RFTN1: variants seen among roughly 807,000 people sequenced by gnomAD.
The protein encoded by RFTN1 is raftlin, lipid raft linker 1.
In RFTN1, 26 loss-of-function variants were observed where a neutral mutation model predicts 46.5. That is an observed-to-expected ratio of 0.56 (90% CI 0.41 to 0.78). The LOEUF (loss-of-function observed/expected upper bound fraction) is 0.78. RFTN1 is among the 30% of genes least tolerant of loss of function. The pLI is 0.00. For synonymous variants in RFTN1, 261 were observed against 284.2 expected, an observed-to-expected ratio of 0.92 and a Z score of 0.82; for missense variants, 693 against 718.7, an observed-to-expected ratio of 0.96 and a Z score of 0.41.
chr3:16,510,811 G>A (rs2076887336), intron 1 of RFTN1, among the ~76,000 whole-genome samples: 1 of 152,172 alleles, frequency 6.6e-6, no homozygotes, highest in African/African-American at 2.4e-5. Flanking sequence ...TCCCTACAGA[G>A]ACTTGTACAC....
rs2076079536 is a variant in RFTN1, at chr3:16,465,717, G to A, written c.145+28008C>T. ...CCACCAAAAAGACCTGCTGGGGACA[G>A]CTAATCTTTTTCTTTTCACTATACC... is the stretch of plus-strand genomic sequence containing the variant. On this transcript the variant is annotated intron_variant, in intron 2 of 9. Coordinates refer to ENST00000334133, the MANE Select transcript of RFTN1 (RefSeq NM_015150.2). The surrounding 1 kb of genome is among the most constrained non-coding windows in gnomAD (Gnocchi z 5.1). Among the ~76,000 whole-genome samples the A allele has an allele frequency of 6.6e-6, 1 of 152,176 alleles. No homozygotes were observed. The highest frequency in any genetic ancestry group is 2.4e-5 in the African/African-American group (1 of 41,450).
At chr3:16,434,273 C>A (rs1231650087) in intron 2 of RFTN1, among the ~76,000 whole-genome samples, 2 of 152,114 alleles carry the variant, frequency 1.3e-5, no homozygotes, top group Non-Finnish European at 2.9e-5. Flanking sequence ...CCTATAATCC[C>A]AGCACTCTGA....
intron 1 of RFTN1, among the ~76,000 whole-genome samples, chr3:16,510,133 C>G (rs1397255072): frequency 6.6e-6 from 1 of 152,212 alleles, no homozygotes; most frequent in Non-Finnish European, 1.5e-5. Flanking sequence ...ATGTTTCTCA[C>G]TGAGAGGCCA....
intron 6 of RFTN1, among the ~76,000 whole-genome samples, chr3:16,368,314 TAGAGGGA>T (rs2073327731): frequency 2.0e-5 from 3 of 152,156 alleles, no homozygotes; most frequent in African/African-American, 7.2e-5. Context: ...CTTCCTTGTG[TAGAGGGA>T]GGTTACCCAC....
intron 2 of RFTN1, among the ~76,000 whole-genome samples, chr3:16,490,563 A>T (rs930307929): frequency 1.3e-5 from 2 of 152,208 alleles, no homozygotes; most frequent in African/African-American, 4.8e-5. Context: ...GCAGAATCAG[A>T]TGTGTGTTTT....
At chr3:16,435,917 A>AAT (rs10575645) in intron 2 of RFTN1, among the ~76,000 whole-genome samples, 5,425 of 142,260 alleles carry the variant, frequency 0.038, 130 homozygotes, top group Middle Eastern at 0.047. Flanking sequence ...CAGAGATGTA[A>AAT]ATATATATAT....
rs574895828 is a variant in RFTN1, at chr3:16,475,502, C to T, written c.145+18223G>A. Among the ~76,000 whole-genome samples the T allele has an allele frequency of 6.6e-6, 1 of 152,320 alleles. No homozygotes were observed. The highest frequency in any genetic ancestry group is 1.9e-4 in the East Asian group (1 of 5,184). On this transcript the variant is annotated intron_variant, in intron 2 of 9. Transcript: ENST00000334133. The surrounding 1 kb of genome is among the most constrained non-coding windows in gnomAD (Gnocchi z 4.2). ...CCACAGAAACAAAAGGCAAAGAAGGCAATTACCCTACTGGGTGAGGTGAAT... is the reference window on the plus strand; with the variant it reads ...CCACAGAAACAAAAGGCAAAGAAGGTAATTACCCTACTGGGTGAGGTGAAT...
At chr3:16,463,293 G>C (rs1025400200) in intron 2 of RFTN1, among the ~76,000 whole-genome samples, 1 of 152,084 alleles carries the variant, frequency 6.6e-6, no homozygotes, top group Admixed American at 6.6e-5. Flanking sequence ...TGCTCCTTCT[G>C]AGACTCCAGT....
In RFTN1 at chr3:16,443,613, A is replaced by T. The variant is rs7620280; in HGVS notation, c.146-9576T>A. On this transcript the variant is annotated intron_variant, in intron 2 of 9. Transcript: ENST00000334133. The surrounding 1 kb of genome is among the most constrained non-coding windows in gnomAD (Gnocchi z 5.5). The stretch of plus-strand genomic sequence containing the variant: ...AAGCAACAGATGCCTCATCAAATGA[A>T]TTAAGTTGCCGGCCGCCGGACCACA... Among the ~76,000 whole-genome samples, 206 of 152,344 alleles carry T rather than the reference A, an allele frequency of 1.4e-3. No homozygotes were observed. The highest frequency in any genetic ancestry group is 3.9e-3 in the African/African-American group (161 of 41,576).
chr3:16,490,104 C>A (rs975375356), intron 2 of RFTN1, among the ~76,000 whole-genome samples: 1 of 152,076 alleles, frequency 6.6e-6, no homozygotes, highest in Non-Finnish European at 1.5e-5. Context: ...TTACTAGGAC[C>A]CGACTATGCA....
rs12629736 is a variant in RFTN1 at position 16,480,508 on chromosome 3, A to G, written c.145+13217T>C. ...TACTTATCAGGAGCCCTGACCTGTA[A>G]ACAAAGAAGAGTATGCCTGAAACAC... On this transcript the variant is annotated intron_variant, in intron 2 of 9. Transcript: ENST00000334133. This position sits in a 1 kb window ranked among gnomAD's most constrained non-coding sequence, Gnocchi z 4.3. Among the ~76,000 whole-genome samples, 35 of 152,326 alleles carry G rather than the reference A, an allele frequency of 2.3e-4. 1 individual carries two copies. The East Asian group carries it at 6.6e-3, about 29-fold the overall frequency.
intron 5 of RFTN1, among the ~76,000 whole-genome samples, chr3:16,371,869 A>T (rs1490877274): frequency 6.6e-6 from 1 of 152,212 alleles, no homozygotes; most frequent in Non-Finnish European, 1.5e-5. Flanking sequence ...ACTGGCAGTC[A>T]CTAGACTAGT....
intron 3 of RFTN1, among the ~76,000 whole-genome samples, chr3:16,419,606 C>G (rs1049278318): frequency 6.6e-6 from 1 of 150,522 alleles, no homozygotes; most frequent in Non-Finnish European, 1.5e-5. Flanking sequence ...TTTATGAACC[C>G]TCTTTGCAAA....
chr3:16,495,583 G>A (rs2076611221), intron 1 of RFTN1, among the ~76,000 whole-genome samples: 1 of 129,442 alleles, frequency 7.7e-6, no homozygotes, highest in Non-Finnish European at 1.7e-5. Flanking sequence ...GGGCTTTGCT[G>A]GACAGATCCC....
At position 16,361,809 on chromosome 3, in the gene RFTN1, T is replaced by C. The variant is rs1233718074; in HGVS notation, c.1031-3762A>G. 1.3e-5 allele frequency among the ~76,000 whole-genome samples: 2 copies of C among 152,212 alleles called. No homozygotes were observed. The highest frequency in any genetic ancestry group is 4.8e-5 in the African/African-American group (2 of 41,450). On this transcript the variant is annotated intron_variant, in intron 6 of 9. Transcript: ENST00000334133. The surrounding 1 kb of genome is among the most constrained non-coding windows in gnomAD (Gnocchi z 4.3). ...GTGTGGTTGAACTTGGCCTCTTGTG[T>C]CTTGGCCATTACATTGAGAGGGCAT...
chr3:16,498,835 C>G lies in RFTN1; in HGVS notation c.-8-4958G>C, dbSNP rs1466552793. 6.6e-6 allele frequency among the ~76,000 whole-genome samples: 1 copy of G among 152,178 alleles called. No homozygotes were observed. The highest frequency in any genetic ancestry group is 1.5e-5 in the Non-Finnish European group (1 of 68,042). On this transcript the variant is annotated intron_variant, in intron 1 of 9. Coordinates refer to ENST00000334133, the MANE Select transcript of RFTN1 (RefSeq NM_015150.2). This position sits in a 1 kb window ranked among gnomAD's most constrained non-coding sequence, Gnocchi z 5.2. ...TCATTTCAAAAATGTCTATACCATGCTCAAAACAAGTCAGAAAAATCTAGC... is the reference window on the plus strand; with the variant it reads ...TCATTTCAAAAATGTCTATACCATGGTCAAAACAAGTCAGAAAAATCTAGC...
At chr3:16,363,561 G>A (rs909979798) in intron 6 of RFTN1, among the ~76,000 whole-genome samples, 1 of 152,240 alleles carries the variant, frequency 6.6e-6, no homozygotes, top group Non-Finnish European at 1.5e-5. Flanking sequence ...CCACTCTTCT[G>A]CAGCCTCTGA....
At chr3:16,439,957 T>C (rs2075590607) in intron 2 of RFTN1, among the ~76,000 whole-genome samples, 1 of 152,184 alleles carries the variant, frequency 6.6e-6, no homozygotes, top group South Asian at 2.1e-4. Flanking sequence ...AGTTATTCTG[T>C]AGTTACTTTG....
At chr3:16,388,241 G>A (rs1409753174) in intron 4 of RFTN1, among the ~76,000 whole-genome samples, 1 of 152,168 alleles carries the variant, frequency 6.6e-6, no homozygotes, top group Non-Finnish European at 1.5e-5. Flanking sequence ...CCTACAACTG[G>A]TTTTCCTAGC....
Sources: allele counts gnomAD v4.1 joint callset (sites outside exome capture counted in the v4.1 genomes callset), GRCh38; gene constraint gnomAD v4.1.1; non-coding constraint Gnocchi (gnomAD v3.1); transcripts MANE v1.5; gene names NCBI Gene and HGNC (gene_info 2026-07-23, HGNC 2026-07-21).